Variants in KCNQ2 observed in about 807,000 individuals in gnomAD.
The protein encoded by KCNQ2 is potassium voltage-gated channel subfamily Q member 2.
Under a neutral mutation model 84.8 loss-of-function variants are expected in KCNQ2, and 14 were observed. The ratio of observed to expected loss-of-function variants is 0.17; its 90% CI spans 0.11 to 0.26. KCNQ2 has a LOEUF of 0.26. Ranked by LOEUF, KCNQ2 falls within the 10% of genes least tolerant of loss-of-function variation. KCNQ2 has a pLI of 1.00. For synonymous variants in KCNQ2, 599 were observed against 554.1 expected (o/e 1.08, Z -1.14); for missense variants, 788 against 1,254.0 (o/e 0.63, Z 5.61).
At chr20:63,453,194 G>GCC (rs1427119411) in intron 1 of KCNQ2, among the ~76,000 whole-genome samples, 1 of 152,176 alleles carries the variant, frequency 6.6e-6, no homozygotes, top group African/African-American at 2.4e-5. Context: ...TCCTCCGCCC[G>GCC]CCGCCACAGG....
At chr20:63,432,932 G>T (rs1447171604) in intron 8 of KCNQ2, among the ~76,000 whole-genome samples, 1 of 152,176 alleles carries the variant, frequency 6.6e-6, no homozygotes, top group Admixed American at 6.5e-5. Flanking sequence ...AACCCCCTAG[G>T]AGCAGGTGAC....
chr20:63,461,592 C>G (rs1167776418), intron 1 of KCNQ2, among the ~76,000 whole-genome samples: 1 of 152,188 alleles, frequency 6.6e-6, no homozygotes, highest in Non-Finnish European at 1.5e-5. Context: ...CCCTCCTCCC[C>G]CATCCCCAAG....
rs1327630775 is a variant in KCNQ2, at chr20:63,415,036, C to A, written c.1392G>T (p.Arg464Ser). The change falls in exon 13 of 17, where the codon AGG (arginine) becomes AGT (serine). Residue 464 changes from arginine to serine, a missense_variant. Transcript: ENST00000359125. ...GGCTCTGGTCGGCGCTGGGTGACCG[C>A]CTCACAGTCTGGGCCTGCGGGGACC... ...GKGSPQAQTV[R>S]RSPSADQSLE... 6.2e-7 allele frequency: 1 copy of A among 1,609,472 alleles called. No individual in the cohort carries two copies. Among genetic ancestry groups the A allele is most frequent in the Non-Finnish European group, 8.5e-7 (1 of 1,179,922 alleles).
rs1385088666 is a variant in KCNQ2, at chr20:63,414,015, G to A, written c.1631+73C>T. ...GGCTCTGTCCAGCACCATGAGCACC[G>A]GCAGCAGGCAGGACCACCGAGCGGG... On this transcript the variant is annotated intron_variant, in intron 14 of 16. Coordinates refer to ENST00000359125, the MANE Select transcript of KCNQ2 (RefSeq NM_172107.4). This position sits in a 1 kb window ranked among gnomAD's most constrained non-coding sequence, Gnocchi z 6.6. 71 of 1,128,572 alleles carry A rather than the reference G, an allele frequency of 6.3e-5. No homozygotes were observed. Among genetic ancestry groups the A allele is most frequent in the Non-Finnish European group, 8.1e-5 (60 of 740,948 alleles). 69.9% of individuals were successfully genotyped at this position (1,128,572 alleles called of 1,614,324 possible).
intron 1 of KCNQ2, among the ~76,000 whole-genome samples, chr20:63,462,164 C>T (rs867656987): frequency 4.4e-4 from 59 of 134,734 alleles, no homozygotes; most frequent in South Asian, 1.5e-3. Flanking sequence ...GGAGGCTGCA[C>T]CTACCCCAGG....
intron 1 of KCNQ2, among the ~76,000 whole-genome samples, chr20:63,461,871 G>A (rs2081960859): frequency 7.3e-6 from 1 of 137,130 alleles, no homozygotes; most frequent in Admixed American, 7.3e-5. Context: ...ACCTACCCCG[G>A]GGCAGCAGGG....
chr20:63,457,044 A>G (rs1315678855), intron 1 of KCNQ2, among the ~76,000 whole-genome samples: 2 of 152,200 alleles, frequency 1.3e-5, no homozygotes, highest in Non-Finnish European at 2.9e-5. Flanking sequence ...TTCACCATCT[A>G]ATGAACTGCT....
intron 1 of KCNQ2, among the ~76,000 whole-genome samples, chr20:63,471,397 C>T (rs1222930175): frequency 6.6e-6 from 1 of 152,240 alleles, no homozygotes; most frequent in African/African-American, 2.4e-5. Flanking sequence ...GAGCCTCGCC[C>T]GGGAAGAGGG....
chr20:63,409,302 T>C (rs1372173767), intron 15 of KCNQ2, among the ~76,000 whole-genome samples: 1 of 152,254 alleles, frequency 6.6e-6, no homozygotes, highest in Non-Finnish European at 1.5e-5. Context: ...TGCAAGAGTG[T>C]GCACGTTTGC....
chr20:63,418,842 G>A (rs1568888825), intron 12 of KCNQ2, among the ~76,000 whole-genome samples: 1 of 152,184 alleles, frequency 6.6e-6, no homozygotes, highest in African/African-American at 2.4e-5. Flanking sequence ...AAGCATGCAC[G>A]GATGCAGATA....
At chr20:63,418,091 G>C (rs1300488853) in intron 12 of KCNQ2, among the ~76,000 whole-genome samples, 1 of 152,180 alleles carries the variant, frequency 6.6e-6, no homozygotes, top group Non-Finnish European at 1.5e-5. Context: ...TCCAAGCACA[G>C]CTGGTGAGGC....
At chr20:63,468,308 C>G (rs142582765) in intron 1 of KCNQ2, among the ~76,000 whole-genome samples, 29 of 152,164 alleles carry the variant, frequency 1.9e-4, no homozygotes, top group African/African-American at 6.8e-4. Context: ...CACAATGCTC[C>G]GTCAGCAGAG....
chr20:63,424,105 G>A (rs1417263244), intron 11 of KCNQ2, 72 bp downstream of exon 11: 9 of 1,495,480 alleles, frequency 6.0e-6, no homozygotes, highest in African/African-American at 1.4e-5. Flanking sequence ...GACAGGTTGC[G>A]CACACGTGTG....
chr20:63,432,930 AGGAGCAGGTGACG>A (rs2080872003), intron 8 of KCNQ2, among the ~76,000 whole-genome samples: 1 of 152,162 alleles, frequency 6.6e-6, no homozygotes, highest in South Asian at 2.1e-4. Context: ...GAAACCCCCT[AGGAGCAGGTGACG>A]GGGGGCGCGG....
rs2081082503 is a variant in KCNQ2 at position 63,438,951 on chromosome 20, C to T, written c.928-231G>A. Among the ~76,000 whole-genome samples the T allele has an allele frequency of 6.6e-6, 1 of 152,140 alleles. No individual in the cohort carries two copies. Among genetic ancestry groups the T allele is most frequent in the Admixed American group, 6.5e-5 (1 of 15,280 alleles). ...CTCCACCGATCCATGCCTCCCCCAC[C>T]TTCATCAAGGTCAGACTAATCCAGG... On this transcript the variant is annotated intron_variant, in intron 6 of 16. Transcript: ENST00000359125. The surrounding 1 kb of genome is among the most constrained non-coding windows in gnomAD (Gnocchi z 5.1).
At chr20:63,427,102 A>C (rs2145630672) in intron 10 of KCNQ2, among the ~76,000 whole-genome samples, 1 of 152,324 alleles carries the variant, frequency 6.6e-6, no homozygotes, top group Non-Finnish European at 1.5e-5. Flanking sequence ...GGTGTCTGTA[A>C]TCCCAGCTAC....
chr20:63,411,038 G>A (rs1359368740), intron 15 of KCNQ2: 1 of 456,088 alleles, frequency 2.2e-6, no homozygotes, highest in Non-Finnish European at 4.4e-6. Context: ...AGCTCACGTG[G>A]AGCTGGGCCG....
chr20:63,417,014 G>A (rs138129747), intron 12 of KCNQ2, among the ~76,000 whole-genome samples: 24 of 152,314 alleles, frequency 1.6e-4, no homozygotes, highest in South Asian at 6.2e-4. Flanking sequence ...GAGATCCCCC[G>A]AGTCCCGAGG....
intron 8 of KCNQ2, 38 bp from the exon 9 acceptor site, chr20:63,431,407 G>A (rs760439939): frequency 1.6e-5 from 25 of 1,610,738 alleles, no homozygotes; most frequent in East Asian, 8.9e-5. Flanking sequence ...GGAAAAGAAC[G>A]GAAAATTTCA....
Sources: gnomAD v4.1 joint callset for allele counts (sites outside exome capture counted in the v4.1 genomes callset) on GRCh38, gnomAD v4.1.1 for gene constraint, Gnocchi (gnomAD v3.1) non-coding constraint, MANE v1.5 for transcripts, NCBI Gene and HGNC (gene_info 2026-07-23, HGNC 2026-07-21) for gene names.